The following DDRGK1 variants were observed in gnomAD, a reference collection of about 807,000 sequenced individuals.
DDRGK1 encodes the protein DDRGK domain containing 1, also known as DDRGK domain-containing protein 1.
A neutral mutation model predicts 45.8 loss-of-function variants in DDRGK1; 38 were observed. That is an observed-to-expected ratio of 0.83 (90% CI 0.64 to 1.09). The LOEUF (loss-of-function observed/expected upper bound fraction) is 1.09, where lower values mean the gene tolerates loss of function less well. Among genes scored for constraint, DDRGK1 ranks in the 50% least tolerant of loss-of-function variants. The pLI is 0.00. For synonymous variants in DDRGK1, 171 were observed against 168.7 expected, an observed-to-expected ratio of 1.01 and a Z score of -0.11; for missense variants, 403 against 419.9, an observed-to-expected ratio of 0.96 and a Z score of 0.35.
chr20:3,192,002 C>CACAG (rs1284453772), intron 6 of DDRGK1, among the ~76,000 whole-genome samples, 181 bp from the exon 7 acceptor site: 3 of 146,874 alleles, frequency 2.0e-5, no homozygotes, highest in Non-Finnish European at 4.6e-5. Context: ...CACACACACT[C>CACAG]ACTATCACCC....
At chr20:3,190,930 C>T (rs904437548) in intron 8 of DDRGK1, 111 bp from the exon 9 acceptor site, 2 of 1,443,708 alleles carry the variant, frequency 1.4e-6, no homozygotes, top group Admixed American at 4.5e-5. Context: ...CGGCCTCCTG[C>T]CTGCCTGGAC....
At position 3,199,338 on chromosome 20, in the gene DDRGK1, A is replaced by T. The variant is rs184664463; in HGVS notation, c.510+663T>A. ...CGGGACCAATATTCAGAAAGGAAAA[A>T]ACCCTCTCTGCTAATGCCTCCCCCA... On this transcript the variant is annotated intron_variant, in intron 4 of 8. Transcript: ENST00000354488. Among the ~76,000 whole-genome samples, 4 of 152,132 alleles carry T rather than the reference A, an allele frequency of 2.6e-5. No individual in the cohort carries two copies. The East Asian group carries it at 7.7e-4, about 29-fold the overall frequency.
chr20:3,193,409 C>G (rs1254283693), intron 6 of DDRGK1, among the ~76,000 whole-genome samples: 2 of 151,910 alleles, frequency 1.3e-5, no homozygotes, highest in African/African-American at 4.8e-5. Flanking sequence ...CTCACTCTGT[C>G]GCCCAGGCTG....
At chr20:3,198,700 C>CAA (rs151197280) in intron 4 of DDRGK1, among the ~76,000 whole-genome samples, 594 of 41,514 alleles carry the variant, frequency 0.014, 28 homozygotes, top group African/African-American at 0.042. Flanking sequence ...AACTCCGTTT[C>CAA]AAAAAAAAAA....
chr20:3,197,219 T>A (rs2067014967), intron 4 of DDRGK1, among the ~76,000 whole-genome samples: 2 of 86,376 alleles, frequency 2.3e-5, no homozygotes, highest in Non-Finnish European at 4.2e-5. Flanking sequence ...TGAGACTCCA[T>A]CTCAGAAAAA....
At position 3,195,345 on chromosome 20, in the gene DDRGK1, C is replaced by T. The variant is rs551793798; in HGVS notation, c.519G>A (p.Glu173=). ...LRLEEEQKEE[E]ERKAREEQAQ... ...CCTGCTCCTCGCGGGCCTTCCTCTC[C>T]TCCTCCTCCTGTGGACATAGGAGGC... Residue 173 remains glutamate (E), a synonymous_variant, in exon 5 of 9, where the codon GAG becomes GAA. Transcript: ENST00000354488. 235 of 1,601,890 alleles carry T rather than the reference C, an allele frequency of 1.5e-4. 1 individual carries two copies. The East Asian group carries it at 4.0e-3, about 27-fold the overall frequency.
intron 2 of DDRGK1, 93 bp downstream of exon 2, chr20:3,203,120 G>A (rs766013506): frequency 4.8e-6 from 6 of 1,240,168 alleles, no homozygotes; most frequent in Non-Finnish European, 6.6e-6. Context: ...CTACCCTGAG[G>A]CTTCATACCC....
In DDRGK1 at chr20:3,204,563, G is replaced by A. The variant is rs199599811; in HGVS notation, c.65C>T (p.Thr22Ile). 73 of 1,577,278 alleles carry A rather than the reference G, an allele frequency of 4.6e-5. No homozygotes were observed. The East Asian group carries it at 1.6e-3, about 35-fold the overall frequency. ...ALLVGFILFL[T>I]RSRGRAASAG... Reference sequence around the variant, plus strand: ...TGATGCCGCCCGGCCCCGGCTGCGAGTCAGGAAGAGGATAAAGCCGACTAG... The same window carrying A: ...TGATGCCGCCCGGCCCCGGCTGCGAATCAGGAAGAGGATAAAGCCGACTAG... The change falls in exon 1 of 9, where the codon ACT becomes ATT. Residue 22 changes from threonine to isoleucine, a missense_variant. Transcript: ENST00000354488.
rs1410911497 is a variant in DDRGK1, at chr20:3,195,306, A to G, written c.558T>C (p.His186=). The change falls in exon 5 of 9, where the codon CAT becomes CAC. Residue 186 remains histidine, a synonymous_variant. Transcript: ENST00000354488. ...KAREEQAQRE[H]EEYLKLKEAF... The stretch of plus-strand genomic sequence containing the variant: ...CCTCCTTCAGTTTCAGGTACTCCTC[A>G]TGCTCCCGCTGGGCCTGCTCCTCGC... The G allele has an allele frequency of 6.2e-7, 1 of 1,612,760 alleles. No individual in the cohort carries two copies. Among genetic ancestry groups the G allele is most frequent in the Non-Finnish European group, 8.5e-7 (1 of 1,179,446 alleles).
chr20:3,196,179 T>A (rs1353149790), intron 4 of DDRGK1, among the ~76,000 whole-genome samples: 1 of 152,166 alleles, frequency 6.6e-6, no homozygotes, highest in African/African-American at 2.4e-5. Context: ...TGGGACCTAC[T>A]CTTCTACGTT....
At chr20:3,202,688 A>C (rs559880364) in intron 2 of DDRGK1, among the ~76,000 whole-genome samples, 22 of 152,324 alleles carry the variant, frequency 1.4e-4, no homozygotes, top group African/African-American at 5.0e-4. Context: ...CCAGTTTCTG[A>C]GAAACGCCCA....
intron 2 of DDRGK1, 43 bp downstream of exon 2, chr20:3,203,170 C>CT (rs2067048447): frequency 6.7e-7 from 1 of 1,483,638 alleles, no homozygotes; most frequent in East Asian, 2.4e-5. Flanking sequence ...TTATCCCCCC[C>CT]TCCAACCCAA....
At chr20:3,203,187 T>A (rs1345855969) in intron 2 of DDRGK1, 26 bp downstream of exon 2, 2 of 1,518,510 alleles carry the variant, frequency 1.3e-6, no homozygotes, top group Non-Finnish European at 1.8e-6. Context: ...CCAAACCCTC[T>A]CCCCACCAGG....
chr20:3,197,509 G>T (rs79025894), intron 4 of DDRGK1, among the ~76,000 whole-genome samples: 61 of 152,322 alleles, frequency 4.0e-4, no homozygotes, highest in South Asian at 1.2e-3. Flanking sequence ...TTGGTATGTT[G>T]CATTGAAGAT....
intron 6 of DDRGK1, among the ~76,000 whole-genome samples, chr20:3,192,303 G>C (rs969946417): frequency 6.6e-6 from 1 of 152,186 alleles, no homozygotes; most frequent in Non-Finnish European, 1.5e-5. Context: ...CTAGAACAAG[G>C]CCCTGAGAAG....
chr20:3,203,223 A>C lies in DDRGK1; in HGVS notation c.285T>G (p.Ala95=). 1.3e-6 allele frequency: 2 copies of C among 1,583,234 alleles called. No homozygotes were observed. Among genetic ancestry groups the C allele is most frequent in the Non-Finnish European group, 8.6e-7 (1 of 1,162,752 alleles). Reference sequence around the variant, plus strand: ...CTGGGCCCCTCTCACCTAGGATGACAGCTTCCTCCTCGTTCTCATCTGCTT... The same window carrying C: ...CTGGGCCCCTCTCACCTAGGATGACCGCTTCCTCCTCGTTCTCATCTGCTT... ...WAEADENEEE[A]VILAQEEEGV... Residue 95 remains alanine (A), a synonymous_variant, in exon 2 of 9, where the codon GCT becomes GCG. Transcript: ENST00000354488.
chr20:3,203,718 C>A (rs1450795186), intron 1 of DDRGK1, among the ~76,000 whole-genome samples: 1 of 152,208 alleles, frequency 6.6e-6, no homozygotes, highest in Non-Finnish European at 1.5e-5. Context: ...TCGAGTACCC[C>A]CTGCAGGAAT....
At chr20:3,200,532 C>T (rs1600476518) in intron 2 of DDRGK1, 78 bp from the exon 3 acceptor site, 1 of 1,322,358 alleles carries the variant, frequency 7.6e-7, no homozygotes, top group Admixed American at 2.0e-5. Context: ...CCCCTCGTCC[C>T]TCCCCTAACA....
At chr20:3,201,145 A>G (rs374792956) in intron 2 of DDRGK1, among the ~76,000 whole-genome samples, 11 of 140,126 alleles carry the variant, frequency 7.9e-5, no homozygotes, top group South Asian at 2.3e-4. Flanking sequence ...TTAGCCGGGC[A>G]TGGTGGCGGG....
Sources: allele counts gnomAD v4.1 joint callset (sites outside exome capture counted in the v4.1 genomes callset), GRCh38; gene constraint gnomAD v4.1.1; transcripts MANE v1.5; gene names NCBI Gene and HGNC (gene_info 2026-07-23, HGNC 2026-07-21).